The following KMT2E variants were observed in gnomAD, a reference collection of about 807,000 sequenced individuals.
KMT2E encodes lysine methyltransferase 2E (inactive), also known as histone reader KMT2E.
In KMT2E, 30 loss-of-function variants were observed where a neutral mutation model predicts 184.6. The observed-to-expected ratio is 0.16, with a 90% confidence interval of 0.12 to 0.22. KMT2E has a LOEUF of 0.22. Ranked by LOEUF, KMT2E falls within the 10% of genes least tolerant of loss-of-function variation. The probability of loss-of-function intolerance (pLI) is 1.00; values close to 1 mark genes in which losing one functional copy is unlikely to be tolerated. For missense variants in KMT2E, 2,023 were observed against 2,237.4 expected (o/e 0.90, Z 1.93); for synonymous variants, 815 against 776.5 (o/e 1.05, Z -0.82).
At chr7:105,049,783 T>C (rs115224029) in intron 3 of KMT2E, among the ~76,000 whole-genome samples, 1,629 of 151,854 alleles carry the variant, frequency 0.011, 20 homozygotes, top group African/African-American at 0.03. Flanking sequence ...TCCCAGCTAC[T>C]CGGAGGCACA....
chr7:105,046,481 G>A (rs950268490), intron 3 of KMT2E, among the ~76,000 whole-genome samples: 6 of 152,050 alleles, frequency 3.9e-5, no homozygotes, highest in African/African-American at 1.2e-4. Flanking sequence ...GAATATGTAC[G>A]TTGTTTGAGC....
chr7:105,047,075 A>T (rs1796138253), intron 3 of KMT2E, among the ~76,000 whole-genome samples: 1 of 152,236 alleles, frequency 6.6e-6, no homozygotes, highest in Non-Finnish European at 1.5e-5. Context: ...GCTTCTCCCC[A>T]TTGAGGCACA....
In KMT2E at chr7:105,088,793, A is replaced by G. The variant is rs116685097; in HGVS notation, c.1359-1216A>G. Among the ~76,000 whole-genome samples the G allele has an allele frequency of 4.7e-3, 717 of 152,364 alleles. 8 individuals are homozygous for G. The highest frequency in any genetic ancestry group is 0.016 in the African/African-American group (686 of 41,578). On this transcript the variant is annotated intron_variant, in intron 13 of 26. Transcript: ENST00000311117. ...TAATCTCACTTGTAAAATGGGGGCA[A>G]TATCCTTACTGTGAAGATGAGACAG...
intron 6 of KMT2E, among the ~76,000 whole-genome samples, chr7:105,070,671 G>A (rs553924113): frequency 6.7e-6 from 1 of 149,254 alleles, no homozygotes; most frequent in South Asian, 2.1e-4. Context: ...AGATTAGCTG[G>A]ATAAGATGGT....
chr7:105,079,913 A>G (rs1294940971), intron 12 of KMT2E, among the ~76,000 whole-genome samples: 1 of 151,492 alleles, frequency 6.6e-6, no homozygotes, highest in Non-Finnish European at 1.5e-5. Flanking sequence ...GGCTCACTGG[A>G]GCCTCAACTT....
At position 105,101,505 on chromosome 7, in the gene KMT2E, T is replaced by C. The variant is rs560281427; in HGVS notation, c.1803T>C (p.Ala601=). Residue 601 remains alanine (A), a synonymous_variant, in exon 16 of 27, where the codon GCT becomes GCC. Coordinates refer to ENST00000311117, the MANE Select transcript of KMT2E (RefSeq NM_182931.3). ...AGAGAGAGAAAAGAAGAGAACAAGC[T>C]TTGGAAAGGATCAGCACAGCCAAAA... is the stretch of plus-strand genomic sequence containing the variant. The part of the protein sequence containing the change: ...LEKREKRREQ[A]LERISTAKTE... 6.3e-6 allele frequency: 10 copies of C among 1,596,708 alleles called. No homozygotes were observed. The African/African-American group carries it at 8.1e-5, about 13-fold the overall frequency.
At chr7:105,070,960 A>G (rs932109722) in intron 6 of KMT2E, among the ~76,000 whole-genome samples, 1 of 152,196 alleles carries the variant, frequency 6.6e-6, no homozygotes, top group Non-Finnish European at 1.5e-5. Context: ...TGTCACTCTA[A>G]AGTCAAATAT....
intron 6 of KMT2E, among the ~76,000 whole-genome samples, chr7:105,072,870 C>T (rs552562247): frequency 6.6e-6 from 1 of 151,718 alleles, no homozygotes; most frequent in African/African-American, 2.4e-5. Context: ...GCCAAGATTG[C>T]GCCATTGCAC....
At chr7:105,068,729 C>T (rs777812356) in intron 6 of KMT2E, among the ~76,000 whole-genome samples, 1 of 150,928 alleles carries the variant, frequency 6.6e-6, no homozygotes, top group African/African-American at 2.5e-5. Context: ...CCCACCTCGG[C>T]CTCCCAAAGT....
chr7:105,078,769 A>G, intron 11 of KMT2E, 77 bp from the exon 12 acceptor site: 2 of 719,488 alleles, frequency 2.8e-6, no homozygotes, highest in East Asian at 3.5e-5. Context: ...CGGCCTCCCA[A>G]AGTGCTGGAA....
chr7:105,106,371 A>T, intron 19 of KMT2E, 151 bp from the exon 20 acceptor site: 1 of 742,336 alleles, frequency 1.3e-6, no homozygotes, highest in Non-Finnish European at 2.2e-6. Flanking sequence ...GCTTCATGTT[A>T]GTACCATTTT....
intron 3 of KMT2E, among the ~76,000 whole-genome samples, chr7:105,061,341 T>G (rs1004780416): frequency 2.0e-5 from 3 of 152,212 alleles, no homozygotes; most frequent in Non-Finnish European, 4.4e-5. Flanking sequence ...TCAAGTGATG[T>G]TATAGTTTTG....
chr7:105,102,011 C>G lies in KMT2E; in HGVS notation c.2013C>G (p.Val671=). ...IGQQRRRHRT[V]SMCSDIQPSS... ...AGCAGCGTCGGAGACACAGAACTGT[C>G]AGCATGTGTTCAGATATCCAGCCAT... Residue 671 remains valine (V), a synonymous_variant, in exon 17 of 27, where the codon GTC becomes GTG. Transcript: ENST00000311117. 1.2e-6 allele frequency: 2 copies of G among 1,613,876 alleles called. No homozygotes were observed. Among genetic ancestry groups the G allele is most frequent in the Non-Finnish European group, 1.7e-6 (2 of 1,179,824 alleles).
At position 105,066,722 on chromosome 7, in the gene KMT2E, T is replaced by C. The variant is rs778495428; in HGVS notation, c.417-5T>C. On this transcript the variant is annotated splice_region_variant and splice_polypyrimidine_tract_variant and intron_variant, in intron 5 of 26. Coordinates refer to ENST00000311117, the MANE Select transcript of KMT2E (RefSeq NM_182931.3). ...TTACATATGTTCTGCTTTTTTTTTT[T>C]TAAGCGTTTGGCAACATATTGACTG... is the stretch of plus-strand genomic sequence containing the variant. 10 of 1,607,488 alleles carry C rather than the reference T, an allele frequency of 6.2e-6. No homozygotes were observed. In the Admixed American group the frequency reaches 1.0e-4, roughly 16 times the overall value.
Position 105,105,921 on chromosome 7 carries a change from C to A in KMT2E, c.2514C>A (p.Pro838=). The change falls in exon 19 of 27, where the codon CCC becomes CCA. Residue 838 remains proline (P), a synonymous_variant. Transcript: ENST00000311117. ...NSAILHRFNS[P]CQERSRSPAV... ...CAATTTTACATAGATTTAATTCACC[C>A]TGTCAAGAAAGATCCAGAAGTCCTG... 1 of 1,613,606 alleles carries A rather than the reference C, an allele frequency of 6.2e-7. No homozygotes were observed. The highest frequency in any genetic ancestry group is 8.5e-7 in the Non-Finnish European group (1 of 1,179,672).
intron 1 of KMT2E, among the ~76,000 whole-genome samples, chr7:105,018,506 G>C (rs1393185879): frequency 6.6e-6 from 1 of 152,154 alleles, no homozygotes; most frequent in Non-Finnish European, 1.5e-5. Flanking sequence ...ATCAGGGACT[G>C]TTCCCTGTTA....
intron 1 of KMT2E, among the ~76,000 whole-genome samples, chr7:105,016,207 A>G (rs1404705012): frequency 6.6e-6 from 1 of 152,252 alleles, no homozygotes; most frequent in Non-Finnish European, 1.5e-5. Context: ...TGTACAAACA[A>G]GCTTAAACCT....
intron 8 of KMT2E, 35 bp from the exon 9 acceptor site, chr7:105,076,008 T>C (rs1273707619): frequency 6.6e-7 from 1 of 1,524,888 alleles, no homozygotes. Flanking sequence ...GTCCAGTTTT[T>C]TAGGAAACTA....
chr7:105,068,624 G>GTTTTTTTTTTTT (rs77819480), intron 6 of KMT2E, among the ~76,000 whole-genome samples: 4 of 112,274 alleles, frequency 3.6e-5, no homozygotes, highest in African/African-American at 1.2e-4. Context: ...ACTAGTTGTG[G>GTTTTTTTTTTTT]TTTTTTTTTT....
Sources: gnomAD v4.1 joint callset for allele counts (sites outside exome capture counted in the v4.1 genomes callset) on GRCh38, gnomAD v4.1.1 for gene constraint, MANE v1.5 for transcripts, NCBI Gene and HGNC (gene_info 2026-07-23, HGNC 2026-07-21) for gene names.